The following SCAP variants were observed in gnomAD, a reference collection of about 807,000 sequenced individuals.
SCAP encodes the protein SREBF chaperone, also known as sterol regulatory element-binding protein cleavage-activating protein.
Under a neutral mutation model 123.6 loss-of-function variants are expected in SCAP, and 65 were observed. The ratio of observed to expected loss-of-function variants is 0.53; its 90% CI spans 0.43 to 0.65. SCAP has a LOEUF of 0.65. SCAP is among the 30% of genes least tolerant of loss of function. The pLI is 0.00. For missense variants in SCAP, 1,398 were observed against 1,712.5 expected, an observed-to-expected ratio of 0.82 and a Z score of 3.24; for synonymous variants, 740 against 726.3, an observed-to-expected ratio of 1.02 and a Z score of -0.30.
At chr3:47,447,244 A>G (rs1707078595) in intron 1 of SCAP, among the ~76,000 whole-genome samples, 1 of 152,154 alleles carries the variant, frequency 6.6e-6, no homozygotes, top group East Asian at 1.9e-4. Context: ...TACTAAAAAC[A>G]GAAAAAATTA....
At chr3:47,421,641 T>G (rs1445047203) in intron 10 of SCAP, among the ~76,000 whole-genome samples, 2 of 152,244 alleles carry the variant, frequency 1.3e-5, no homozygotes, top group East Asian at 1.9e-4. Flanking sequence ...GGAGTGCAGA[T>G]AGTGGCACAG....
At chr3:47,437,926 CCAAA>C (rs1296118869) in intron 2 of SCAP, among the ~76,000 whole-genome samples, 1 of 152,014 alleles carries the variant, frequency 6.6e-6, no homozygotes, top group Non-Finnish European at 1.5e-5. Flanking sequence ...GTAGATGATA[CCAAA>C]CAGTTTTCCA....
chr3:47,474,480 A>G (rs911121444), intron 1 of SCAP, among the ~76,000 whole-genome samples: 1 of 151,862 alleles, frequency 6.6e-6, no homozygotes, highest in Non-Finnish European at 1.5e-5. Flanking sequence ...AATGTAAACT[A>G]TATTAACACA....
At chr3:47,458,583 A>G (rs1707515227) in intron 1 of SCAP, among the ~76,000 whole-genome samples, 1 of 152,246 alleles carries the variant, frequency 6.6e-6, no homozygotes, top group Admixed American at 6.5e-5. Flanking sequence ...ATGGCACAGC[A>G]ACACCCAAAT....
intron 1 of SCAP, among the ~76,000 whole-genome samples, chr3:47,456,136 C>T (rs1251580927): frequency 6.6e-6 from 1 of 152,248 alleles, no homozygotes; most frequent in Non-Finnish European, 1.5e-5. Flanking sequence ...AGCACAGTGG[C>T]TCAGGCCTAC....
At chr3:47,474,404 AT>A (rs1708188248) in intron 1 of SCAP, among the ~76,000 whole-genome samples, 1 of 152,234 alleles carries the variant, frequency 6.6e-6, no homozygotes, top group Admixed American at 6.5e-5. Context: ...AGTGTTAAAT[AT>A]ATTTATATAG....
chr3:47,468,735 T>C (rs1367844315), intron 1 of SCAP, among the ~76,000 whole-genome samples: 2 of 152,204 alleles, frequency 1.3e-5, no homozygotes, highest in South Asian at 2.1e-4. Flanking sequence ...TAGATCCCAT[T>C]TGTCAATTTT....
chr3:47,437,525 G>C (rs1421012304), intron 2 of SCAP, among the ~76,000 whole-genome samples: 2 of 150,302 alleles, frequency 1.3e-5, no homozygotes, highest in Non-Finnish European at 3.0e-5. Flanking sequence ...AGGATTTCTT[G>C]AGCCCAGGAG....
rs763085440 is a variant in SCAP, at chr3:47,426,004, G to A, written c.903C>T (p.Phe301=). 1.9e-6 allele frequency: 3 copies of A among 1,614,150 alleles called. No homozygotes were observed. Among genetic ancestry groups the A allele is most frequent in the African/African-American group, 2.7e-5 (2 of 75,058 alleles). Residue 301 remains phenylalanine (F), a synonymous_variant, in exon 7 of 23, where the codon TTC becomes TTT. Coordinates refer to ENST00000265565, the MANE Select transcript of SCAP (RefSeq NM_012235.4). ...TYIILFAYIY[F]STRKIDMVKS... is the part of the protein sequence containing the mutation. ...TCCCTGCCATGAACCTACGCGTGGA[G>A]AAGTAGATGTAGGCAAACAAGATGA...
At chr3:47,474,997 G>A (rs537465392) in intron 1 of SCAP, among the ~76,000 whole-genome samples, 3 of 152,170 alleles carry the variant, frequency 2.0e-5, no homozygotes, top group South Asian at 4.1e-4. Context: ...AGAAACACAC[G>A]CAACGCTAAC....
At chr3:47,469,942 T>C (rs1273430557) in intron 1 of SCAP, 10 of 411,178 alleles carry the variant, frequency 2.4e-5, no homozygotes, top group African/African-American at 8.5e-5. Context: ...AGCTCTACTA[T>C]TGTGAAGAGA....
Position 47,418,400 on chromosome 3 carries a change from C to T in SCAP, c.2252G>A (p.Gly751Glu). ...LGGGPGRRRR[G>E]ELPCDDYGYA... ...GCCGTAGTCGTCGCAGGGCAGCTCC[C>T]CGCGCCTCCGCCGCCCGGGCCCACC... The change falls in exon 15 of 23, where the codon GGG (glycine) becomes GAG (glutamate). Residue 751 changes from glycine to glutamate, a missense_variant. Gly to Glu is a moderately conservative substitution (Grantham distance 98, BLOSUM62 -2). Around this residue, in one of 7 missense-constraint regions of SCAP, gnomAD observed 828 missense variants for 882.5 expected, o/e 0.94. Transcript: ENST00000265565. 1 of 1,575,044 alleles carries T rather than the reference C, an allele frequency of 6.3e-7. No individual in the cohort carries two copies. The highest frequency in any genetic ancestry group is 8.6e-7 in the Non-Finnish European group (1 of 1,164,302).
intron 14 of SCAP, 29 bp from the exon 15 acceptor site, chr3:47,418,551 C>T (rs1476959023): frequency 6.4e-7 from 1 of 1,567,530 alleles, no homozygotes; most frequent in Admixed American, 1.9e-5. Context: ...TGCTGTGAGA[C>T]ACACCTCACA....
Position 47,418,140 on chromosome 3 carries a change from C to T in SCAP, c.2441G>A (p.Arg814His), listed in dbSNP as rs1250878334. ...AAAGGGCAGCCGCACCTACCCTGGG[C>T]GCGGAATGCGCGTTAGGCAATCCCC... ...QTGDCLTRIP[R>H]PGRQRRDSGV... is the part of the protein sequence containing the mutation. Residue 814 changes from arginine to histidine, a missense_variant, in exon 16 of 23, where the codon CGC becomes CAC. By Grantham distance (29) the Arg-to-His change is conservative (BLOSUM62 0). Around this residue, in one of 7 missense-constraint regions of SCAP, gnomAD observed 828 missense variants for 882.5 expected, o/e 0.94. Transcript: ENST00000265565. 5.8e-6 allele frequency: 9 copies of T among 1,557,524 alleles called. No individual in the cohort carries two copies. The highest frequency in any genetic ancestry group is 3.5e-5 in the South Asian group (3 of 84,754).
At chr3:47,422,565 C>A (rs776185648) in intron 9 of SCAP, 29 bp from the exon 10 acceptor site, 2 of 1,561,652 alleles carry the variant, frequency 1.3e-6, no homozygotes, top group South Asian at 1.1e-5. Flanking sequence ...GGGCACAGGG[C>A]AACACATGGC....
At position 47,413,825 on chromosome 3, in the gene SCAP, C is replaced by T. The variant is rs778152694; in HGVS notation, c.*29G>A. 13 of 1,602,622 alleles carry T rather than the reference C, an allele frequency of 8.1e-6. No individual in the cohort carries two copies. Among genetic ancestry groups the T allele is most frequent in the Non-Finnish European group, 1.1e-5 (13 of 1,173,578 alleles). On this transcript the variant is annotated 3_prime_UTR_variant, in exon 23 of 23. Coordinates refer to ENST00000265565, the MANE Select transcript of SCAP (RefSeq NM_012235.4). Reference sequence around the variant, plus strand: ...CATTGGCCCCCACACAGCACCCCAGCCTCCTGCCTGGGCAAGGAGGCCCTG... The same window carrying T: ...CATTGGCCCCCACACAGCACCCCAGTCTCCTGCCTGGGCAAGGAGGCCCTG...
intron 2 of SCAP, among the ~76,000 whole-genome samples, chr3:47,437,422 C>CAAAAAAAAA (rs35011639): frequency 1.6e-5 from 1 of 63,178 alleles, no homozygotes; most frequent in Non-Finnish European, 2.8e-5. Flanking sequence ...AACTCAATCT[C>CAAAAAAAAA]AAAAAAAAAA....
chr3:47,468,591 T>C (rs1305026862), intron 1 of SCAP, among the ~76,000 whole-genome samples: 1 of 152,174 alleles, frequency 6.6e-6, no homozygotes, highest in Non-Finnish European at 1.5e-5. Context: ...GTAAATCTGT[T>C]TAAGTTCTTT....
rs763069429 is a variant in SCAP at position 47,417,715 on chromosome 3, G to T, written c.2559C>A (p.Pro853=). ...GAGGGCCCCGGGGGCGGTGTCTCAG[G>T]GGAGGGCTGTCCCCAGGCTCCTCTG... The part of the protein sequence containing the change: ...AGPEEPGDSP[P]LRHRPRGPPP... The change falls in exon 17 of 23, where the codon CCC becomes CCA. Residue 853 remains proline (P), a synonymous_variant. Coordinates refer to ENST00000265565, the MANE Select transcript of SCAP (RefSeq NM_012235.4). 6.0e-5 allele frequency: 97 copies of T among 1,608,526 alleles called. No homozygotes were observed. The highest frequency in any genetic ancestry group is 8.0e-5 in the Non-Finnish European group (94 of 1,178,864).
Sources: gnomAD v4.1 joint callset for allele counts (sites outside exome capture counted in the v4.1 genomes callset) on GRCh38, gnomAD v4.1.1 for gene constraint, gnomAD v4.1.1 regional missense constraint, MANE v1.5 for transcripts, NCBI Gene and HGNC (gene_info 2026-07-23, HGNC 2026-07-21) for gene names.